The following ME1 variants were observed in gnomAD, a reference collection of about 807,000 sequenced individuals.
ME1 encodes the protein NADP-dependent malic enzyme.
ME1 carries 74 observed loss-of-function variants against 66.4 expected under a neutral mutation model. The observed-to-expected ratio is 1.11, with a 90% CI of 0.92 to 1.35. ME1 has a LOEUF of 1.35. Among genes scored for constraint, ME1 ranks in the 40% most tolerant of loss-of-function variants. The pLI is 0.00. For missense variants in ME1, 750 were observed against 694.1 expected (o/e 1.08, Z -0.90); for synonymous variants, 251 against 235.6 (o/e 1.07, Z -0.60).
At chr6:83,313,470 A>T (rs1323203229) in intron 6 of ME1, among the ~76,000 whole-genome samples, 1 of 152,130 alleles carries the variant, frequency 6.6e-6, no homozygotes, top group Non-Finnish European at 1.5e-5. Context: ...TTTTTTCCCA[A>T]AACTTTTCAT....
chr6:83,321,637 AG>A (rs1462858506), intron 5 of ME1, among the ~76,000 whole-genome samples: 1 of 152,188 alleles, frequency 6.6e-6, no homozygotes, highest in Non-Finnish European at 1.5e-5. Context: ...CTGAAAGAAA[AG>A]CAGCAGCCCC....
At chr6:83,236,883 A>G (rs1790409899) in intron 9 of ME1, among the ~76,000 whole-genome samples, 1 of 152,076 alleles carries the variant, frequency 6.6e-6, no homozygotes, top group Admixed American at 6.6e-5. Context: ...TTTCATCTGT[A>G]TCAATATCAA....
chr6:83,283,084 C>T lies in ME1; in HGVS notation c.705-29346G>A, dbSNP rs556726637. Reference sequence around the variant, plus strand: ...TCTACTAAAAATACAAAAAATTAGCCGGGCGTGGTAGCGGGCGCCTGTAGT... The same window carrying T: ...TCTACTAAAAATACAAAAAATTAGCTGGGCGTGGTAGCGGGCGCCTGTAGT... On this transcript the variant is annotated intron_variant, in intron 6 of 13. Transcript: ENST00000369705. Among the ~76,000 whole-genome samples, 10 of 149,658 alleles carry T rather than the reference C, an allele frequency of 6.7e-5. No homozygotes were observed. In the East Asian group the frequency reaches 1.4e-3, roughly 21 times the overall value.
At position 83,212,044 on chromosome 6, in the gene ME1, C is replaced by T. The variant is rs749327529; in HGVS notation, c.1599G>A (p.Pro533=). The T allele has an allele frequency of 5.5e-5, 89 of 1,612,384 alleles. No homozygotes were observed. The highest frequency in any genetic ancestry group is 1.7e-4 in the Middle Eastern group (1 of 6,054). The change falls in exon 14 of 14, where the codon CCG becomes CCA. Residue 533 remains proline, a synonymous_variant. Coordinates refer to ENST00000369705, the MANE Select transcript of ME1 (RefSeq NM_002395.6). ...QEKTATVYPE[P]QNKEAFVRSQ... ...AGCGGACAAATGCTTCTTTGTTTTG[C>T]GGTTCAGGATAAACTGTGGCTGTCT...
chr6:83,403,553 G>A (rs1328048096), intron 2 of ME1, among the ~76,000 whole-genome samples: 1 of 152,064 alleles, frequency 6.6e-6, no homozygotes, highest in Non-Finnish European at 1.5e-5. Flanking sequence ...TGTTACATAG[G>A]TATACATGTG....
chr6:83,430,785 G>T, intron 1 of ME1, 92 bp downstream of exon 1: 1 of 1,148,084 alleles, frequency 8.7e-7, no homozygotes. Flanking sequence ...GGGAGCGGCG[G>T]AGGGGCGAGG....
At chr6:83,247,327 C>T (rs2128527211) in intron 7 of ME1, among the ~76,000 whole-genome samples, 1 of 151,660 alleles carries the variant, frequency 6.6e-6, no homozygotes, top group East Asian at 1.9e-4. Flanking sequence ...AATTATGTGG[C>T]CAATTTCTTA....
In ME1 at chr6:83,253,693, C is replaced by T; in HGVS notation, c.750G>A (p.Val250=). Residue 250 remains valine, a synonymous_variant, in exon 7 of 14, where the codon GTG becomes GTA. Coordinates refer to ENST00000369705, the MANE Select transcript of ME1 (RefSeq NM_002395.6). The part of the protein sequence containing the change: ...CLIQFEDFAN[V]NAFRLLNKYR... ...ACTTGTTCAGGAGACGAAATGCATT[C>T]ACATTGGCAAAATCTTCAAACTGAA... 7 of 1,611,080 alleles carry T rather than the reference C, an allele frequency of 4.3e-6. No homozygotes were observed. The highest frequency in any genetic ancestry group is 5.9e-6 in the Non-Finnish European group (7 of 1,177,870).
intron 6 of ME1, among the ~76,000 whole-genome samples, chr6:83,286,432 C>T (rs1313641478): frequency 6.6e-6 from 1 of 151,914 alleles, no homozygotes; most frequent in African/African-American, 2.4e-5. Flanking sequence ...TATTTTTCTC[C>T]CTTGATGTCA....
intron 9 of ME1, among the ~76,000 whole-genome samples, chr6:83,236,844 C>T (rs1253975165): frequency 2.0e-5 from 3 of 151,966 alleles, no homozygotes; most frequent in Non-Finnish European, 4.4e-5. Flanking sequence ...TGATCACCAA[C>T]TCTCAATAAA....
intron 3 of ME1, among the ~76,000 whole-genome samples, chr6:83,388,567 A>T (rs1393969426): frequency 6.6e-6 from 1 of 152,172 alleles, no homozygotes; most frequent in East Asian, 1.9e-4. Flanking sequence ...ATTAAATCTA[A>T]TTCTCACCAT....
In ME1 at chr6:83,227,371, T is replaced by C. The variant is rs1790216612; in HGVS notation, c.1239A>G (p.Ala413=). The change falls in exon 11 of 14, where the codon GCA becomes GCG. Residue 413 remains alanine, a synonymous_variant. Transcript: ENST00000369705. ...IFALSNPTSK[A]ECSAEQCYKI... is the part of the protein sequence containing the mutation. ...TGTAGCACTGCTCTGCAGAACATTCTGCTTTGCTAGTTGGATTACTCAAAG... is the reference window on the plus strand; with the variant it reads ...TGTAGCACTGCTCTGCAGAACATTCCGCTTTGCTAGTTGGATTACTCAAAG... The C allele has an allele frequency of 6.2e-7, 1 of 1,601,316 alleles. No individual in the cohort carries two copies. Among genetic ancestry groups the C allele is most frequent in the Non-Finnish European group, 8.5e-7 (1 of 1,171,722 alleles).
chr6:83,255,581 T>C (rs1766750282), intron 6 of ME1, among the ~76,000 whole-genome samples: 1 of 152,080 alleles, frequency 6.6e-6, no homozygotes, highest in South Asian at 2.1e-4. Context: ...ATACTTTTAC[T>C]GTTAGGCCAT....
At chr6:83,231,415 A>C (rs955960586) in intron 9 of ME1, among the ~76,000 whole-genome samples, 1 of 152,160 alleles carries the variant, frequency 6.6e-6, no homozygotes, top group African/African-American at 2.4e-5. Flanking sequence ...GGAATCACGA[A>C]ATGGTAATAC....
intron 5 of ME1, 109 bp downstream of exon 5, chr6:83,346,064 A>G (rs12215595): frequency 0.31 from 270,975 of 864,146 alleles, 44,472 homozygotes; most frequent in Admixed American, 0.51. Context: ...GAGAAAGAGA[A>G]CCAGACAAAA....
intron 6 of ME1, among the ~76,000 whole-genome samples, chr6:83,265,055 T>A (rs1324604098): frequency 6.6e-6 from 1 of 152,164 alleles, no homozygotes; most frequent in Non-Finnish European, 1.5e-5. Flanking sequence ...TGTCCTATTT[T>A]CAGAAATTAC....
intron 6 of ME1, among the ~76,000 whole-genome samples, chr6:83,271,543 A>C (rs1478849406): frequency 3.3e-5 from 5 of 152,230 alleles, no homozygotes; most frequent in African/African-American, 9.6e-5. Flanking sequence ...TATCAACTAC[A>C]TCAGTCATTA....
chr6:83,408,023 C>T (rs1403521898), intron 1 of ME1, 122 bp from the exon 2 acceptor site: 6 of 1,153,978 alleles, frequency 5.2e-6, no homozygotes, highest in Non-Finnish European at 7.0e-6. Context: ...TCACTGGAAG[C>T]ATGGCCATGT....
intron 5 of ME1, among the ~76,000 whole-genome samples, chr6:83,327,440 G>A (rs2128541549): frequency 6.6e-6 from 1 of 152,268 alleles, no homozygotes; most frequent in African/African-American, 2.4e-5. Context: ...GCGCACCTAG[G>A]GGTAGGTCTC....
Sources: allele counts gnomAD v4.1 joint callset (sites outside exome capture counted in the v4.1 genomes callset), GRCh38; gene constraint gnomAD v4.1.1; transcripts MANE v1.5; gene names NCBI Gene and HGNC (gene_info 2026-07-23, HGNC 2026-07-21).